GRID2: variants seen among roughly 807,000 people sequenced by gnomAD.
GRID2 encodes the protein glutamate receptor ionotropic, delta-2.
Under a neutral mutation model 114.8 loss-of-function variants are expected in GRID2, and 33 were observed. The observed-to-expected ratio is 0.29, with a 90% CI of 0.22 to 0.38. The LOEUF is 0.38. GRID2 is among the 10% of genes least tolerant of loss of function. The pLI, the probability that GRID2 is intolerant of heterozygous loss-of-function variation, is 1.00. For missense variants in GRID2, 1,184 were observed against 1,257.7 expected (o/e 0.94, Z 0.89); for synonymous variants, 505 against 449.9 (o/e 1.12, Z -1.55).
intron 13 of GRID2, among the ~76,000 whole-genome samples, chr4:93,596,118 G>T (rs1301272764): frequency 6.6e-6 from 1 of 152,126 alleles, no homozygotes; most frequent in Middle Eastern, 3.2e-3. Flanking sequence ...ATTGCCTTGT[G>T]TTTATTATCT....
intron 10 of GRID2, among the ~76,000 whole-genome samples, chr4:93,436,721 TA>T (rs1396330277): frequency 2.6e-5 from 4 of 152,116 alleles, no homozygotes; most frequent in Non-Finnish European, 5.9e-5. Flanking sequence ...AAAATATTTG[TA>T]AAAGTGTAAT....
chr4:92,474,268 AT>A (rs1722187416), intron 1 of GRID2, among the ~76,000 whole-genome samples: 1 of 151,846 alleles, frequency 6.6e-6, no homozygotes, highest in South Asian at 2.1e-4. Flanking sequence ...GTCATGCAAT[AT>A]TTTTATCTTT....
chr4:92,924,726 G>C (rs933619657), intron 2 of GRID2, among the ~76,000 whole-genome samples: 1 of 152,122 alleles, frequency 6.6e-6, no homozygotes, highest in Non-Finnish European at 1.5e-5. Flanking sequence ...GCATCTTTAA[G>C]AGTCTGATAT....
At chr4:92,705,884 A>G (rs1237770288) in intron 2 of GRID2, among the ~76,000 whole-genome samples, 1 of 152,182 alleles carries the variant, frequency 6.6e-6, no homozygotes, top group East Asian at 1.9e-4. Context: ...CTATATGGCT[A>G]GGACCTTGGA....
chr4:92,547,332 T>A (rs539780881), intron 1 of GRID2, among the ~76,000 whole-genome samples: 2 of 152,320 alleles, frequency 1.3e-5, no homozygotes, highest in Non-Finnish European at 1.5e-5. Flanking sequence ...AGTTCTTGTA[T>A]TGAATATTTA....
intron 2 of GRID2, among the ~76,000 whole-genome samples, chr4:93,065,029 G>A (rs1215448164): frequency 6.6e-6 from 1 of 151,846 alleles, no homozygotes; most frequent in Non-Finnish European, 1.5e-5. Flanking sequence ...ATAAGATTGA[G>A]GCTATCGTGT....
intron 14 of GRID2, among the ~76,000 whole-genome samples, chr4:93,752,590 G>A (rs1289098964): frequency 6.6e-6 from 1 of 151,900 alleles, no homozygotes; most frequent in Non-Finnish European, 1.5e-5. Flanking sequence ...CAGGATGGTC[G>A]CGATCTCCTG....
At chr4:93,142,200 G>A (rs1487074205) in intron 4 of GRID2, among the ~76,000 whole-genome samples, 4 of 152,030 alleles carry the variant, frequency 2.6e-5, no homozygotes, top group East Asian at 3.9e-4. Context: ...TTGATGGAGC[G>A]GGACCCTATC....
intron 14 of GRID2, among the ~76,000 whole-genome samples, chr4:93,686,105 ACTCT>A (rs754611290): frequency 3.3e-5 from 5 of 151,716 alleles, no homozygotes; most frequent in Non-Finnish European, 2.9e-5. Flanking sequence ...CTAAAAATGA[ACTCT>A]CTGTCTCTCC....
At chr4:92,446,045 A>C (rs1282914345) in intron 1 of GRID2, among the ~76,000 whole-genome samples, 1 of 152,174 alleles carries the variant, frequency 6.6e-6, no homozygotes, top group African/African-American at 2.4e-5. Flanking sequence ...TCCCGGGTTC[A>C]AGCGATTCTC....
intron 14 of GRID2, among the ~76,000 whole-genome samples, chr4:93,728,351 C>G (rs1246904834): frequency 1.3e-5 from 2 of 152,076 alleles, no homozygotes; most frequent in Non-Finnish European, 1.5e-5. Context: ...GTCTGAGAGA[C>G]AGTTTGTTAT....
intron 10 of GRID2, among the ~76,000 whole-genome samples, chr4:93,423,336 CTTTTTTTTTTT>C (rs554663844): frequency 4.1e-5 from 3 of 73,570 alleles, no homozygotes; most frequent in South Asian, 6.8e-4. Context: ...TTTTTTCTTT[CTTTTTTTTTTT>C]TTTTTTTTTT....
intron 14 of GRID2, among the ~76,000 whole-genome samples, chr4:93,725,426 C>T (rs1216985822): frequency 1.3e-5 from 2 of 152,068 alleles, no homozygotes; most frequent in Non-Finnish European, 2.9e-5. Flanking sequence ...CTATTGTGAA[C>T]AGTGCCGCAA....
rs559327523 is a variant in GRID2, at chr4:93,018,407, T to C, written c.245-66588T>C. On this transcript the variant is annotated intron_variant, in intron 2 of 15. Transcript: ENST00000282020. ...AGAAACAGAACTAGCTAATATCAGCTTGTTTGGCTTTATGCTTGGTGAGAG... is the reference window on the plus strand; with the variant it reads ...AGAAACAGAACTAGCTAATATCAGCCTGTTTGGCTTTATGCTTGGTGAGAG... Among the ~76,000 whole-genome samples the C allele has an allele frequency of 2.5e-4, 38 of 152,258 alleles. 1 individual carries two copies. Among genetic ancestry groups the C allele is most frequent in the African/African-American group, 9.1e-4 (38 of 41,568 alleles).
intron 1 of GRID2, among the ~76,000 whole-genome samples, chr4:92,357,350 GT>G (rs1457794102): frequency 1.3e-5 from 2 of 151,908 alleles, no homozygotes; most frequent in East Asian, 3.9e-4. Flanking sequence ...TAGCCAAAAT[GT>G]TTATGATAAT....
Position 93,343,710 on chromosome 4 carries a change from A to G in GRID2, c.1246-51897A>G, listed in dbSNP as rs115557666. Reference sequence around the variant, plus strand: ...TTTAAATGTTTGGTAGATTTGGGGAATCAAATATTATGTTAAAGATAGAAA... The same window carrying G: ...TTTAAATGTTTGGTAGATTTGGGGAGTCAAATATTATGTTAAAGATAGAAA... On this transcript the variant is annotated intron_variant, in intron 8 of 15. Coordinates refer to ENST00000282020, the MANE Select transcript of GRID2 (RefSeq NM_001510.4). 7.8e-3 allele frequency among the ~76,000 whole-genome samples: 1,188 copies of G among 152,186 alleles called. 12 individuals are homozygous for G. Among genetic ancestry groups the G allele is most frequent in the African/African-American group, 0.027 (1,120 of 41,534 alleles).
chr4:93,221,939 A>C (rs1744927708), intron 6 of GRID2, among the ~76,000 whole-genome samples: 1 of 152,180 alleles, frequency 6.6e-6, no homozygotes, highest in African/African-American at 2.4e-5. Context: ...ACGGTCTGCA[A>C]AAGAGAATGT....
In GRID2 at chr4:92,713,470, CATATACATATATAT is replaced by C. The variant is rs1392904976; in HGVS notation, c.244+123190_244+123203del. 5.6e-3 allele frequency among the ~76,000 whole-genome samples: 417 copies of C among 74,860 alleles called. 11 individuals carry two copies. The East Asian group carries it at 0.059, about 11-fold the overall frequency. 49.1% of individuals were successfully genotyped at this position (74,860 alleles called of 152,430 possible). ...GACAGTTTACATATATTTACATATA[CATATACATATATAT>C]ATATATATATATATATATATATATA... On this transcript the variant is annotated intron_variant, in intron 2 of 15. Transcript: ENST00000282020.
intron 2 of GRID2, among the ~76,000 whole-genome samples, chr4:92,896,518 A>T (rs968820426): frequency 6.6e-6 from 1 of 151,538 alleles, no homozygotes; most frequent in Non-Finnish European, 1.5e-5. Context: ...CTTTATTATG[A>T]GATCTTCAGT....
Sources: allele counts gnomAD v4.1 joint callset (sites outside exome capture counted in the v4.1 genomes callset), GRCh38; gene constraint gnomAD v4.1.1; transcripts MANE v1.5; gene names NCBI Gene and HGNC (gene_info 2026-07-23, HGNC 2026-07-21).